Variants in TPTE2 observed in about 807,000 individuals in gnomAD.
TPTE2 encodes the protein phosphatidylinositol 3,4,5-trisphosphate 3-phosphatase TPTE2.
Under a neutral mutation model 78.6 loss-of-function variants are expected in TPTE2, and 53 were observed. The ratio of observed to expected loss-of-function variants is 0.67; its 90% CI spans 0.54 to 0.85. TPTE2 has a LOEUF of 0.85. TPTE2 is among the 40% of genes least tolerant of loss of function. The pLI is 0.00. For synonymous variants in TPTE2, 175 were observed against 206.2 expected (o/e 0.85, Z 1.30); for missense variants, 461 against 623.0 (o/e 0.74, Z 2.77).
intron 1 of TPTE2, among the ~76,000 whole-genome samples, chr13:19,510,391 G>A (rs1490026322): frequency 4.7e-5 from 7 of 149,640 alleles, no homozygotes; most frequent in Non-Finnish European, 8.8e-5. Context: ...GAACTGACAC[G>A]TGCAGAGATC....
In TPTE2 at chr13:19,464,567, T is replaced by A. The variant is rs775039828; in HGVS notation, c.677-47A>T. ...ATTACAAACATTATTATAGATTTCA[T>A]ATAACACAAAAAAAATTAATTTATA... On this transcript the variant is annotated intron_variant, in intron 9 of 19. Coordinates refer to ENST00000400230, the Ensembl canonical transcript of TPTE2. 5.1e-6 allele frequency: 8 copies of A among 1,571,180 alleles called. No individual in the cohort carries two copies. The East Asian group carries it at 1.8e-4, about 35-fold the overall frequency.
chr13:19,460,378 C>T (rs1053074572), intron 10 of TPTE2, among the ~76,000 whole-genome samples: 2 of 152,182 alleles, frequency 1.3e-5, no homozygotes, highest in African/African-American at 2.4e-5. Flanking sequence ...CTCCATTGGT[C>T]GACCTGTTCA....
At chr13:19,538,099 T>G (rs1245894256), upstream of TPTE2, among the ~76,000 whole-genome samples, 1 of 152,244 alleles carries the variant, frequency 6.6e-6, no homozygotes, top group Admixed American at 6.5e-5. Flanking sequence ...GGTTTTGCCT[T>G]TTTGCTTAAA....
intron 13 of TPTE2, among the ~76,000 whole-genome samples, chr13:19,441,013 G>C (rs1375800371): frequency 6.6e-6 from 1 of 152,014 alleles, no homozygotes; most frequent in African/African-American, 2.4e-5. Context: ...CTTGAACCTG[G>C]GGGGTGGAGG....
At chr13:19,517,909 G>GCAGAGAT (rs1166310697) in intron 1 of TPTE2, among the ~76,000 whole-genome samples, 1 of 152,186 alleles carries the variant, frequency 6.6e-6, no homozygotes, top group Non-Finnish European at 1.5e-5. Flanking sequence ...TAACCTCAGA[G>GCAGAGAT]CAGAGATTAT....
At chr13:19,495,608 A>G (rs1316462858) in intron 1 of TPTE2, among the ~76,000 whole-genome samples, 1 of 152,192 alleles carries the variant, frequency 6.6e-6, no homozygotes, top group Non-Finnish European at 1.5e-5. Context: ...GTCACACTCA[A>G]TAGCCCAACT....
intron 13 of TPTE2, among the ~76,000 whole-genome samples, chr13:19,447,381 C>T (rs1328763830): frequency 6.6e-6 from 1 of 152,092 alleles, no homozygotes; most frequent in Non-Finnish European, 1.5e-5. Context: ...TTAATAATAA[C>T]ATTTTAGGTT....
intron 4 of TPTE2, among the ~76,000 whole-genome samples, chr13:19,477,951 T>G (rs2137600471): frequency 6.6e-6 from 1 of 152,264 alleles, no homozygotes; most frequent in Non-Finnish European, 1.5e-5. Context: ...TCCATGTACC[T>G]TTCCTAAAAA....
At chr13:19,466,820 T>C (rs1879295084) in intron 7 of TPTE2, among the ~76,000 whole-genome samples, 1 of 152,238 alleles carries the variant, frequency 6.6e-6, no homozygotes, top group Non-Finnish European at 1.5e-5. Flanking sequence ...CAGAGGGGAA[T>C]TGTTTTCAAT....
chr13:19,509,937 C>A (rs796497874), intron 1 of TPTE2, among the ~76,000 whole-genome samples: 6 of 152,266 alleles, frequency 3.9e-5, no homozygotes, highest in African/African-American at 1.4e-4. Context: ...TACCTAACAC[C>A]ATATTTAAGG....
chr13:19,527,737 G>A (rs913263308), intron 1 of TPTE2, among the ~76,000 whole-genome samples: 4 of 152,120 alleles, frequency 2.6e-5, no homozygotes, highest in Non-Finnish European at 4.4e-5. Context: ...GTGTGGTGGT[G>A]CACCCCTGTG....
intron 1 of TPTE2, among the ~76,000 whole-genome samples, chr13:19,531,238 C>T (rs149065217): frequency 1.3e-5 from 2 of 152,212 alleles, no homozygotes; most frequent in African/African-American, 2.4e-5. Context: ...TTTGTTTATC[C>T]ATTCATCCAT....
rs139472476 is a variant in TPTE2 at position 19,526,585 on chromosome 13, T to G, written c.-44+10011A>C. ...TACTTGAGGGTTGGAGGCTGGAGGATGGTGAGTATCAAAAAGCTACCTATC... is the reference window on the plus strand; with the variant it reads ...TACTTGAGGGTTGGAGGCTGGAGGAGGGTGAGTATCAAAAAGCTACCTATC... On this transcript the variant is annotated intron_variant, in intron 1 of 17. Coordinates refer to the TPTE2 transcript ENST00000390680. Among the ~76,000 whole-genome samples, 1,038 of 152,260 alleles carry G rather than the reference T, an allele frequency of 6.8e-3. 4 individuals are homozygous for G. Among genetic ancestry groups the G allele is most frequent in the African/African-American group, 0.022 (920 of 41,532 alleles).
intron 17 of TPTE2, among the ~76,000 whole-genome samples, chr13:19,429,900 C>G (rs2137468981): frequency 6.6e-6 from 1 of 152,214 alleles, no homozygotes; most frequent in Non-Finnish European, 1.5e-5. Flanking sequence ...AGGTTCCTCC[C>G]CAGTTCATTC....
chr13:19,549,247 G>T, the TPTE2 span, among the ~76,000 whole-genome samples: 1 of 152,106 alleles, frequency 6.6e-6, no homozygotes, highest in Non-Finnish European at 1.5e-5. Context: ...GAAAATATCT[G>T]CAAACTATGC....
At chr13:19,423,237 T>G in intron 19 of TPTE2, 73 bp from the exon 23 acceptor site, 2 of 1,202,858 alleles carry the variant, frequency 1.7e-6, no homozygotes, top group Non-Finnish European at 1.1e-6. Context: ...GTACCCACGT[T>G]AGAGCTGGAA....
chr13:19,461,991 G>T (rs1231701423), intron 10 of TPTE2, among the ~76,000 whole-genome samples: 6 of 141,912 alleles, frequency 4.2e-5, no homozygotes, highest in African/African-American at 1.3e-4. Context: ...TTGGGAATTT[G>T]ATCTGTTTAC....
rs1468814271 is a variant in TPTE2 at position 19,486,933 on chromosome 13, G to A, written c.120-4386C>T. On this transcript the variant is annotated intron_variant, in intron 3 of 19. Transcript: ENST00000400230. This position sits in a 1 kb window ranked among gnomAD's most constrained non-coding sequence, Gnocchi z 4.3. Reference sequence around the variant, plus strand: ...CTTCTATAAGCCAGGATGTGGACACGAGGCTGCTCGGCTGGCCTAGGGGCA... The same window carrying A: ...CTTCTATAAGCCAGGATGTGGACACAAGGCTGCTCGGCTGGCCTAGGGGCA... Among the ~76,000 whole-genome samples the A allele has an allele frequency of 1.1e-4, 16 of 152,170 alleles. No individual in the cohort carries two copies. The highest frequency in any genetic ancestry group is 2.9e-5 in the Non-Finnish European group (2 of 68,026).
chr13:19,490,117 T>C (rs1190774346), intron 3 of TPTE2, among the ~76,000 whole-genome samples: 1 of 152,180 alleles, frequency 6.6e-6, no homozygotes, highest in Non-Finnish European at 1.5e-5. Flanking sequence ...TAACAAACAA[T>C]CTAATGAATC....
Sources: allele counts gnomAD v4.1 joint callset (sites outside exome capture counted in the v4.1 genomes callset), GRCh38; gene constraint gnomAD v4.1.1; non-coding constraint Gnocchi (gnomAD v3.1); transcripts MANE v1.5; gene names NCBI Gene and HGNC (gene_info 2026-07-23, HGNC 2026-07-21).